CRIM1: variants seen among roughly 807,000 people sequenced by gnomAD.
CRIM1 encodes the protein cysteine-rich motor neuron 1 protein.
In CRIM1, 32 loss-of-function variants were observed where a neutral mutation model predicts 116.4. The observed-to-expected ratio is 0.27, with a 90% confidence interval of 0.21 to 0.37. The LOEUF is 0.37. CRIM1 is among the 10% of genes least tolerant of loss of function. The pLI is 1.00. For synonymous variants in CRIM1, 590 were observed against 509.2 expected (o/e 1.16, Z -2.13); for missense variants, 1,331 against 1,354.8 (o/e 0.98, Z 0.28).
intron 8 of CRIM1, among the ~76,000 whole-genome samples, chr2:36,501,050 G>C (rs1680946662): frequency 6.6e-6 from 1 of 152,132 alleles, no homozygotes; most frequent in Non-Finnish European, 1.5e-5. Context: ...ATTTTCAGTT[G>C]TGAATGTCAA....
chr2:36,477,123 T>C (rs892949084), intron 6 of CRIM1, 52 bp downstream of exon 6: 1 of 1,396,862 alleles, frequency 7.2e-7, no homozygotes, highest in Non-Finnish European at 9.7e-7. Context: ...GGTATAGAGT[T>C]CTAAAATCAA....
At chr2:36,360,609 T>C (rs1037933826) in intron 1 of CRIM1, among the ~76,000 whole-genome samples, 1 of 152,170 alleles carries the variant, frequency 6.6e-6, no homozygotes, top group African/African-American at 2.4e-5. Flanking sequence ...ATGCAAAGTT[T>C]CTTTGCTTAT....
chr2:36,429,269 T>G (rs1674688494), intron 2 of CRIM1, among the ~76,000 whole-genome samples: 1 of 152,330 alleles, frequency 6.6e-6, no homozygotes, highest in South Asian at 2.1e-4. Flanking sequence ...TGTGGAATCA[T>G]GATGTCCCGT....
intron 1 of CRIM1, among the ~76,000 whole-genome samples, chr2:36,395,993 A>T (rs774144970): frequency 6.6e-6 from 1 of 152,176 alleles, no homozygotes; most frequent in Non-Finnish European, 1.5e-5. Flanking sequence ...TGGCGTGATC[A>T]ACCTCGTGGG....
intron 1 of CRIM1, among the ~76,000 whole-genome samples, chr2:36,377,681 T>G (rs1670428928): frequency 6.6e-6 from 1 of 152,238 alleles, no homozygotes; most frequent in Admixed American, 6.5e-5. Context: ...CATTGTATCT[T>G]TGTACCTCAA....
At chr2:36,541,642 G>C (rs1666950135) in intron 14 of CRIM1, among the ~76,000 whole-genome samples, 2 of 152,326 alleles carry the variant, frequency 1.3e-5, no homozygotes, top group East Asian at 1.9e-4. Flanking sequence ...AGATGCCTCT[G>C]AAAGTAAAAT....
intron 2 of CRIM1, among the ~76,000 whole-genome samples, chr2:36,439,449 C>T (rs1183149803): frequency 6.6e-6 from 1 of 152,130 alleles, no homozygotes; most frequent in African/African-American, 2.4e-5. Context: ...TCTAATTTGT[C>T]CCATAGTGAA....
chr2:36,397,892 G>A (rs1672139803), intron 2 of CRIM1, among the ~76,000 whole-genome samples: 2 of 152,148 alleles, frequency 1.3e-5, no homozygotes, highest in African/African-American at 4.8e-5. Context: ...CCTTGAACTT[G>A]AACACTGGGA....
At chr2:36,453,788 C>A (rs1394190237) in intron 4 of CRIM1, among the ~76,000 whole-genome samples, 1 of 152,146 alleles carries the variant, frequency 6.6e-6, no homozygotes, top group East Asian at 1.9e-4. Context: ...GCAAAGCAAA[C>A]ACATGCTAAT....
intron 5 of CRIM1, among the ~76,000 whole-genome samples, chr2:36,471,797 C>A (rs986165572): frequency 5.3e-5 from 8 of 150,870 alleles, no homozygotes; most frequent in Non-Finnish European, 1.0e-4. Context: ...GCATTCAAAG[C>A]CATCCTAGGC....
chr2:36,535,608 A>G (rs930674845), intron 13 of CRIM1, among the ~76,000 whole-genome samples: 2 of 152,242 alleles, frequency 1.3e-5, no homozygotes, highest in Non-Finnish European at 2.9e-5. Flanking sequence ...TGTTGACAAC[A>G]TAAGAGATGA....
At chr2:36,473,895 GATGAT>G (rs1456791646) in intron 5 of CRIM1, among the ~76,000 whole-genome samples, 1 of 152,088 alleles carries the variant, frequency 6.6e-6, no homozygotes, top group Non-Finnish European at 1.5e-5. Flanking sequence ...AGAGTTGCTT[GATGAT>G]ATGATAACTC....
chr2:36,408,499 C>T (rs1174232168), intron 2 of CRIM1, among the ~76,000 whole-genome samples: 1 of 152,172 alleles, frequency 6.6e-6, no homozygotes, highest in East Asian at 1.9e-4. Flanking sequence ...CCCGGGAGGC[C>T]TTCTGAGCTG....
intron 5 of CRIM1, among the ~76,000 whole-genome samples, chr2:36,470,870 C>T (rs1277063344): frequency 6.6e-6 from 1 of 152,142 alleles, no homozygotes; most frequent in African/African-American, 2.4e-5. Context: ...AAACCTTCTG[C>T]AAAGGATTCA....
chr2:36,445,567 G>A (rs967189886), intron 4 of CRIM1, among the ~76,000 whole-genome samples: 3 of 152,182 alleles, frequency 2.0e-5, no homozygotes, highest in African/African-American at 7.2e-5. Context: ...TCAGCTATAC[G>A]ATGTTCCTAA....
chr2:36,375,578 T>C (rs1279918874), intron 1 of CRIM1, among the ~76,000 whole-genome samples: 1 of 152,240 alleles, frequency 6.6e-6, no homozygotes, highest in Non-Finnish European at 1.5e-5. Context: ...AAATTTTTGT[T>C]TCTGAATTAT....
chr2:36,512,237 G>A (rs1336140542), intron 9 of CRIM1, 36 bp from the exon 10 acceptor site: 6 of 1,602,486 alleles, frequency 3.7e-6, no homozygotes, highest in Non-Finnish European at 8.5e-7. Context: ...GAGACTTTGT[G>A]ATTTTCTGAC....
intron 1 of CRIM1, among the ~76,000 whole-genome samples, chr2:36,393,729 G>A (rs1482976463): frequency 6.6e-6 from 1 of 152,202 alleles, no homozygotes. Flanking sequence ...AGCAGAGGAA[G>A]AAGGGAAGGA....
rs141410232 is a variant in CRIM1 at position 36,524,507 on chromosome 2, A to G, written c.2428+2194A>G. Among the ~76,000 whole-genome samples, 613 of 152,290 alleles carry G rather than the reference A, an allele frequency of 4.0e-3. 2 individuals carry two copies. The highest frequency in any genetic ancestry group is 0.014 in the African/African-American group (565 of 41,566). Reference sequence around the variant, plus strand: ...TTTAATACTAAAGGAAATAGTTCACAAGTCAACCAGGGATACTTATGTCAT... The same window carrying G: ...TTTAATACTAAAGGAAATAGTTCACGAGTCAACCAGGGATACTTATGTCAT... On this transcript the variant is annotated intron_variant, in intron 13 of 16. Transcript: ENST00000280527.
Sources: allele counts gnomAD v4.1 joint callset (sites outside exome capture counted in the v4.1 genomes callset), GRCh38; gene constraint gnomAD v4.1.1; transcripts MANE v1.5; gene names NCBI Gene and HGNC (gene_info 2026-07-23, HGNC 2026-07-21).